Variants in DST observed in about 807,000 individuals in gnomAD.
The protein encoded by DST is dystonin, also known as bullous pemphigoid antigen.
In DST, 253 loss-of-function variants were observed where a neutral mutation model predicts 875.2. That is an observed-to-expected ratio of 0.29 (90% confidence interval 0.26 to 0.32). The LOEUF is 0.32. Ranked by LOEUF, DST falls within the 10% of genes least tolerant of loss-of-function variation. The probability of loss-of-function intolerance (pLI) is 1.00; values close to 1 mark genes in which losing one functional copy is unlikely to be tolerated. For missense variants in DST, 8,287 were observed against 9,111.6 expected (o/e 0.91, Z 3.68); for synonymous variants, 3,124 against 3,197.1 (o/e 0.98, Z 0.77).
At chr6:56,488,481 A>C (rs2152433722) in intron 86 of DST, among the ~76,000 whole-genome samples, 1 of 152,278 alleles carries the variant, frequency 6.6e-6, no homozygotes, top group South Asian at 2.1e-4. Flanking sequence ...CTCACAGGCA[A>C]AGGGTGCCAG....
At chr6:56,825,880 A>C in intron 4 of DST, among the ~76,000 whole-genome samples, 1 of 152,246 alleles carries the variant, frequency 6.6e-6, no homozygotes, top group East Asian at 1.9e-4. Flanking sequence ...CCTGTGACAA[A>C]CCATGCTGGT....
intron 61 of DST, among the ~76,000 whole-genome samples, chr6:56,537,709 C>T (rs1011648511): frequency 7.2e-5 from 11 of 152,128 alleles, no homozygotes; most frequent in African/African-American, 2.4e-4. Flanking sequence ...TCCTAGCAAT[C>T]TCTCCCTTAC....
At chr6:56,615,992 G>A (rs912558132) in intron 36 of DST, 3 of 1,614,208 alleles carry the variant, frequency 1.9e-6, no homozygotes, top group Non-Finnish European at 2.5e-6. Flanking sequence ...GCCAGTAAGA[G>A]GATCAATTAT....
intron 10 of DST, among the ~76,000 whole-genome samples, chr6:56,655,825 T>C (rs1372256814): frequency 6.6e-6 from 1 of 151,984 alleles, no homozygotes; most frequent in African/African-American, 2.4e-5. Flanking sequence ...CTTTCCTCTG[T>C]TCCCAAATGC....
At chr6:56,755,689 C>T (rs748560729) in intron 4 of DST, among the ~76,000 whole-genome samples, 6 of 152,096 alleles carry the variant, frequency 3.9e-5, no homozygotes, top group Admixed American at 6.5e-5. Context: ...GACTTTAAGG[C>T]AAGTATTATA....
chr6:56,657,036 A>T (rs189744881), intron 10 of DST, among the ~76,000 whole-genome samples: 4 of 152,300 alleles, frequency 2.6e-5, no homozygotes, highest in African/African-American at 7.2e-5. Context: ...CATTTTAACA[A>T]GTTTCTCCCC....
At chr6:56,743,523 C>A (rs989354683) in intron 4 of DST, among the ~76,000 whole-genome samples, 2 of 152,156 alleles carry the variant, frequency 1.3e-5, no homozygotes, top group Non-Finnish European at 2.9e-5. Context: ...GAGCCCTTGC[C>A]TCCGCTACAC....
At chr6:56,689,014 C>A (rs2099207893) in intron 9 of DST, among the ~76,000 whole-genome samples, 1 of 152,062 alleles carries the variant, frequency 6.6e-6, no homozygotes, top group Non-Finnish European at 1.5e-5. Context: ...ACAGTTCAGC[C>A]TGGCAGACAA....
rs764581971 is a variant in DST, at chr6:56,506,849, A to T, written c.19240-60T>A. On this transcript the variant is annotated intron_variant, in intron 75 of 103. Transcript: ENST00000680361. ...GCAAAACCACATCAAAACTTTAAAA[A>T]GTACACAACAATATCAATGGTAGTT... The T allele has an allele frequency of 3.3e-6, 5 of 1,528,988 alleles. No individual in the cohort carries two copies. In the Admixed American group the frequency reaches 1.0e-4, roughly 30 times the overall value. 94.7% of individuals were successfully genotyped at this position (1,528,988 alleles called of 1,614,324 possible).
At chr6:56,626,257 T>C (rs1171641654) in intron 34 of DST, among the ~76,000 whole-genome samples, 4 of 152,166 alleles carry the variant, frequency 2.6e-5, no homozygotes, top group African/African-American at 9.7e-5. Context: ...GTCCTAGGCC[T>C]CTACCTTCAC....
At chr6:56,903,014 A>G (rs1037931125) in intron 2 of DST, among the ~76,000 whole-genome samples, 1 of 150,372 alleles carries the variant, frequency 6.7e-6, no homozygotes, top group Non-Finnish European at 1.5e-5. Context: ...ATTTTTCTAC[A>G]CTTTGAAGAC....
chr6:56,672,856 C>A (rs973431729), intron 9 of DST, among the ~76,000 whole-genome samples: 1 of 152,096 alleles, frequency 6.6e-6, no homozygotes. Context: ...AACTCTCTTC[C>A]CCATAGAGAG....
rs1308325192 is a variant in DST, at chr6:56,633,048, C to T, written c.3622-11G>A. 3 of 1,611,442 alleles carry T rather than the reference C, an allele frequency of 1.9e-6. No individual in the cohort carries two copies. The highest frequency in any genetic ancestry group is 2.2e-5 in the East Asian group (1 of 44,830). On this transcript the variant is annotated splice_polypyrimidine_tract_variant and intron_variant, in intron 27 of 103. Coordinates refer to ENST00000680361, the MANE Select transcript of DST (RefSeq NM_001374736.1). ...TAGCATTGTCTTTATCTAAAGAAGA[C>T]CAAAGACCCATGTAATTCATTCTAT...
intron 5 of DST, among the ~76,000 whole-genome samples, chr6:56,709,083 A>T (rs1268983696): frequency 1.3e-5 from 2 of 152,298 alleles, no homozygotes; most frequent in East Asian, 3.9e-4. Context: ...AACTTACATA[A>T]CTTGAATTAC....
intron 9 of DST, among the ~76,000 whole-genome samples, chr6:56,682,900 G>C (rs1486872802): frequency 6.6e-6 from 1 of 152,160 alleles, no homozygotes; most frequent in Non-Finnish European, 1.5e-5. Context: ...GGGAACCAAA[G>C]CAACCAGTGC....
At chr6:56,861,895 A>AC (rs1358705895) in intron 3 of DST, 15 of 152,342 alleles carry the variant, frequency 9.8e-5, no homozygotes, top group African/African-American at 3.4e-4. Context: ...CCTCATGGAG[A>AC]CCGGGGAGTC....
intron 58 of DST, among the ~76,000 whole-genome samples, chr6:56,558,201 A>G (rs991320396): frequency 2.0e-5 from 3 of 152,090 alleles, no homozygotes; most frequent in Non-Finnish European, 4.4e-5. Context: ...TACATTCTCA[A>G]TGCCATAACT....
chr6:56,531,091 G>C (rs2096889164), intron 64 of DST, among the ~76,000 whole-genome samples: 2 of 152,086 alleles, frequency 1.3e-5, no homozygotes, highest in African/African-American at 4.8e-5. Context: ...TGATATATTT[G>C]ATCCTAAAAA....
chr6:56,478,086 T>C (rs998925143), intron 90 of DST, among the ~76,000 whole-genome samples: 1 of 152,170 alleles, frequency 6.6e-6, no homozygotes, highest in Admixed American at 6.5e-5. Flanking sequence ...AATTTAGATA[T>C]AATTATGTTA....
Sources: gnomAD v4.1 joint callset for allele counts (sites outside exome capture counted in the v4.1 genomes callset) on GRCh38, gnomAD v4.1.1 for gene constraint, MANE v1.5 for transcripts, NCBI Gene and HGNC (gene_info 2026-07-23, HGNC 2026-07-21) for gene names.